ATP2A1: variants seen among roughly 807,000 people sequenced by gnomAD.
ATP2A1 encodes the protein sarcoplasmic/endoplasmic reticulum calcium ATPase 1.
ATP2A1 carries 83 observed loss-of-function variants against 109.5 expected under a neutral mutation model. The ratio of observed to expected loss-of-function variants is 0.76; its 90% CI spans 0.63 to 0.91. The LOEUF (loss-of-function observed/expected upper bound fraction) is 0.91, where lower values mean the gene tolerates loss of function less well. ATP2A1 is among the 40% of genes least tolerant of loss of function. The pLI is 0.00. For missense variants in ATP2A1, 1,101 were observed against 1,341.0 expected, an observed-to-expected ratio of 0.82 and a Z score of 2.80; for synonymous variants, 505 against 537.6, an observed-to-expected ratio of 0.94 and a Z score of 0.84.
intron 6 of ATP2A1, among the ~76,000 whole-genome samples, chr16:28,886,687 TC>T (rs1300653906): frequency 6.6e-6 from 1 of 151,554 alleles, no homozygotes; most frequent in Non-Finnish European, 1.5e-5. Context: ...TGGGTCGAGG[TC>T]TTTTTAAGAG....
chr16:28,890,938 C>T (rs571725225), intron 9 of ATP2A1, among the ~76,000 whole-genome samples: 20 of 152,064 alleles, frequency 1.3e-4, no homozygotes, highest in Middle Eastern at 3.4e-3. Context: ...CTGCCCACCT[C>T]GGCCTCCCAA....
At chr16:28,900,515 C>A in intron 14 of ATP2A1, 66 bp from the exon 15 acceptor site, 1 of 1,443,686 alleles carries the variant, frequency 6.9e-7, no homozygotes, top group South Asian at 1.4e-5. Context: ...CACCCCCCAC[C>A]AGCTTCCTCC....
chr16:28,879,574 C>T lies in ATP2A1; in HGVS notation c.210C>T (p.Cys70=). 6.2e-7 allele frequency: 1 copy of T among 1,614,152 alleles called. No homozygotes were observed. The highest frequency in any genetic ancestry group is 8.5e-7 in the Non-Finnish European group (1 of 1,180,008). ...LLVRILLLAA[C]ISFVLAWFEE... is the part of the protein sequence containing the mutation. ...TGCGGATTCTCCTCCTGGCCGCATG[C>T]ATTTCCTTCGTAAGTGTGGGAGGGT... is the stretch of plus-strand genomic sequence containing the variant. The change falls in exon 3 of 23, where the codon TGC becomes TGT. Residue 70 remains cysteine (C), a synonymous_variant. Coordinates refer to ENST00000395503, the MANE Select transcript of ATP2A1 (RefSeq NM_004320.6).
rs144919265 is a variant in ATP2A1 at position 28,904,456 on chromosome 16, G to A, written c.*314G>A. On this transcript the variant is annotated 3_prime_UTR_variant, in exon 23 of 23. Coordinates refer to ENST00000395503, the MANE Select transcript of ATP2A1 (RefSeq NM_004320.6). ...TGCTTATTTATTGAAAATAAACGAC[G>A]GAAAAGTCTGGCCTTGCCTCTGTGC... The A allele has an allele frequency of 6.8e-5, 103 of 1,520,352 alleles. No individual in the cohort carries two copies. The East Asian group carries it at 1.2e-3, about 18-fold the overall frequency. The allele number at this position is 1,520,352 out of a possible 1,614,324, so 94.2% of individuals were successfully genotyped here.
chr16:28,895,692 AG>A (rs1596679387), intron 12 of ATP2A1, among the ~76,000 whole-genome samples: 3 of 151,980 alleles, frequency 2.0e-5, no homozygotes, highest in East Asian at 3.9e-4. Flanking sequence ...AAACAAAGAA[AG>A]AAAGAAAAAA....
rs1008154815 is a variant in ATP2A1, at chr16:28,887,415, C to T, written c.631-10C>T. On this transcript the variant is annotated splice_polypyrimidine_tract_variant and intron_variant, in intron 7 of 22. Transcript: ENST00000395503. ...TTGCCTGATTCCCTGCCTCCTCTTT[C>T]CCTTCCCAGGGCACCAACATTGCAG... 2.5e-6 allele frequency: 4 copies of T among 1,613,956 alleles called. No homozygotes were observed. Among genetic ancestry groups the T allele is most frequent in the Admixed American group, 1.7e-5 (1 of 59,996 alleles).
Position 28,884,651 on chromosome 16 carries a change from G to C in ATP2A1, c.540G>C (p.Leu180=). 1 of 1,613,058 alleles carries C rather than the reference G, an allele frequency of 6.2e-7. No homozygotes were observed. The highest frequency in any genetic ancestry group is 8.5e-7 in the Non-Finnish European group (1 of 1,179,764). The change falls in exon 6 of 23, where the codon CTG becomes CTC. Residue 180 remains leucine, a synonymous_variant. Transcript: ENST00000395503. Reference sequence around the variant, plus strand: ...CGCTGCGGGTTGACCAGTCCATCCTGACAGGTCTGCTGGCCTGGGTGGGAA... The same window carrying C: ...CGCTGCGGGTTGACCAGTCCATCCTCACAGGTCTGCTGGCCTGGGTGGGAA... ...STTLRVDQSI[L]TGESVSVIKH...
In ATP2A1 at chr16:28,880,037, C is replaced by A; in HGVS notation, c.219+454C>A. The A allele has an allele frequency of 2.0e-6, 2 of 1,004,838 alleles. No individual in the cohort carries two copies. The highest frequency in any genetic ancestry group is 2.4e-6 in the Non-Finnish European group (2 of 844,954). The allele number at this position is 1,004,838 out of a possible 1,614,324, so 62.2% of individuals were successfully genotyped here. A position where few individuals can be genotyped will look rare whatever the true frequency, so the allele number is the denominator to read the frequency against. ...GCTGATTGGTCGAGGGGAGGACTCG[C>A]TCCTAGTGGCGGGAAAGCGCGGCGG... On this transcript the variant is annotated intron_variant, in intron 3 of 22. Coordinates refer to ENST00000395503, the MANE Select transcript of ATP2A1 (RefSeq NM_004320.6). The surrounding 1 kb of genome is among the most constrained non-coding windows in gnomAD (Gnocchi z 4.2).
intron 9 of ATP2A1, among the ~76,000 whole-genome samples, chr16:28,890,361 G>A (rs1477225773): frequency 5.9e-5 from 9 of 151,588 alleles, no homozygotes; most frequent in Non-Finnish European, 1.3e-4. Context: ...AGCTACTCAG[G>A]TGGCTGAGGC....
At chr16:28,899,023 A>G (rs2152212193) in intron 14 of ATP2A1, among the ~76,000 whole-genome samples, 1 of 152,188 alleles carries the variant, frequency 6.6e-6, no homozygotes, top group Non-Finnish European at 1.5e-5. Flanking sequence ...CACACAAAAG[A>G]GAGAAAGAAT....
In ATP2A1 at chr16:28,888,018, G is replaced by A. The variant is rs893713139; in HGVS notation, c.928+296G>A. On this transcript the variant is annotated intron_variant, in intron 8 of 22. Transcript: ENST00000395503. ...GGGTTTCACCGTGTTAGCCAGGATG[G>A]TCTCGATCTCCTGACCTCCTGATCT... Among the ~76,000 whole-genome samples the A allele has an allele frequency of 2.0e-5, 3 of 151,942 alleles. No homozygotes were observed. In the South Asian group the frequency reaches 6.2e-4, roughly 31 times the overall value.
Position 28,903,611 on chromosome 16 carries a change from C to T in ATP2A1, c.2981-89C>T, listed in dbSNP as rs941351637. 8.2e-7 allele frequency: 1 copy of T among 1,223,430 alleles called. No individual in the cohort carries two copies. Among genetic ancestry groups the T allele is most frequent in the Non-Finnish European group, 1.2e-6 (1 of 823,516 alleles). 75.8% of individuals were successfully genotyped at this position (1,223,430 alleles called of 1,614,324 possible). ...CAGGGGCCACATCTCCGGGGCAGCC[C>T]CACTGCCTCCTCAGCCCCCACAGCC... On this transcript the variant is annotated intron_variant, in intron 21 of 22. Transcript: ENST00000395503. The surrounding 1 kb of genome is among the most constrained non-coding windows in gnomAD (Gnocchi z 5.6).
chr16:28,891,007 C>A (rs1026092719), intron 9 of ATP2A1, among the ~76,000 whole-genome samples: 2 of 151,122 alleles, frequency 1.3e-5, no homozygotes, highest in Admixed American at 6.6e-5. Context: ...TTTAAAAATA[C>A]ATAGGAAGCT....
rs202026647 is a variant in ATP2A1, at chr16:28,887,740, T to C, written c.928+18T>C. On this transcript the variant is annotated intron_variant, in intron 8 of 22. Coordinates refer to ENST00000395503, the MANE Select transcript of ATP2A1 (RefSeq NM_004320.6). ...CCCCGAAGGTATGAAAGCCTTTCTT[T>C]TCTCCTCCCATTTGCTAATCCCATC... is the stretch of plus-strand genomic sequence containing the variant. 8.7e-6 allele frequency: 14 copies of C among 1,612,924 alleles called. No individual in the cohort carries two copies. The highest frequency in any genetic ancestry group is 1.3e-5 in the African/African-American group (1 of 74,924).
chr16:28,888,003 G>A (rs149712636), intron 8 of ATP2A1, among the ~76,000 whole-genome samples: 3,116 of 151,918 alleles, frequency 0.021, 50 homozygotes, highest in Admixed American at 0.038. Flanking sequence ...GGGTTTCACC[G>A]TGTTAGCCAG....
rs1963450146 is a variant in ATP2A1, at chr16:28,880,834, C to T, written c.220-81C>T. The T allele has an allele frequency of 5.9e-6, 8 of 1,348,306 alleles. No individual in the cohort carries two copies. Among genetic ancestry groups the T allele is most frequent in the East Asian group, 2.3e-5 (1 of 43,596 alleles). 83.5% of individuals were successfully genotyped at this position (1,348,306 alleles called of 1,614,324 possible). A position where few individuals can be genotyped will look rare whatever the true frequency, so the allele number is the denominator to read the frequency against. Reference sequence around the variant, plus strand: ...CTCCTGCACTCTCCTGCACAGTTCTCCCCTTTGCAGTGGTCCACTTCCTTT... The same window carrying T: ...CTCCTGCACTCTCCTGCACAGTTCTTCCCTTTGCAGTGGTCCACTTCCTTT... On this transcript the variant is annotated intron_variant, in intron 3 of 22. Coordinates refer to ENST00000395503, the MANE Select transcript of ATP2A1 (RefSeq NM_004320.6). This position sits in a 1 kb window ranked among gnomAD's most constrained non-coding sequence, Gnocchi z 4.2.
rs1963855328 is a variant in ATP2A1 at position 28,894,248 on chromosome 16, G to A, written c.1184+5G>A. On this transcript the variant is annotated splice_donor_5th_base_variant and intron_variant, in intron 10 of 22. Coordinates refer to ENST00000395503, the MANE Select transcript of ATP2A1 (RefSeq NM_004320.6). ...TTACGCTCCAGAGGGAGAGGTGTAAGTCACCCAGGCATCTTCTCCCCAGCT... is the reference window on the plus strand; with the variant it reads ...TTACGCTCCAGAGGGAGAGGTGTAAATCACCCAGGCATCTTCTCCCCAGCT... 6.2e-7 allele frequency: 1 copy of A among 1,613,048 alleles called. No individual in the cohort carries two copies. Among genetic ancestry groups the A allele is most frequent in the Admixed American group, 1.7e-5 (1 of 59,950 alleles).
Position 28,898,128 on chromosome 16 carries a change from C to T in ATP2A1, c.1545+3C>T, listed in dbSNP as rs1205837090. The T allele has an allele frequency of 1.9e-6, 3 of 1,614,050 alleles. No individual in the cohort carries two copies. The highest frequency in any genetic ancestry group is 2.7e-5 in the African/African-American group (2 of 74,924). On this transcript the variant is annotated splice_donor_region_variant and intron_variant, in intron 13 of 22. Coordinates refer to ENST00000395503, the MANE Select transcript of ATP2A1 (RefSeq NM_004320.6). This position sits in a 1 kb window ranked among gnomAD's most constrained non-coding sequence, Gnocchi z 4.0. Reference sequence around the variant, plus strand: ...TGGGCAACAAGATGTTTGTCAAGGTCAGAAATCGGAATGTGCCTCAGCCCC... The same window carrying T: ...TGGGCAACAAGATGTTTGTCAAGGTTAGAAATCGGAATGTGCCTCAGCCCC...
intron 14 of ATP2A1, 118 bp from the exon 15 acceptor site, chr16:28,900,463 T>TGCCCC: frequency 3.2e-6 from 3 of 946,152 alleles, no homozygotes; most frequent in Non-Finnish European, 3.0e-6. Flanking sequence ...GGTTCAGGCT[T>TGCCCC]CCCACCCCTC....
Sources: allele counts gnomAD v4.1 joint callset (sites outside exome capture counted in the v4.1 genomes callset), GRCh38; gene constraint gnomAD v4.1.1; non-coding constraint Gnocchi (gnomAD v3.1); transcripts MANE v1.5; gene names NCBI Gene and HGNC (gene_info 2026-07-23, HGNC 2026-07-21).